Variants in FILIP1L observed in about 807,000 individuals in gnomAD.
FILIP1L encodes the protein filamin A interacting protein 1 like, also known as filamin A-interacting protein 1-like.
Under a neutral mutation model 96.6 loss-of-function variants are expected in FILIP1L, and 55 were observed. That is an observed-to-expected ratio of 0.57 (90% CI 0.46 to 0.71). FILIP1L has a LOEUF of 0.71. Among genes scored for constraint, FILIP1L ranks in the 30% least tolerant of loss-of-function variants. FILIP1L has a pLI of 0.00. For synonymous variants in FILIP1L, 467 were observed against 473.9 expected (o/e 0.99, Z 0.19); for missense variants, 1,304 against 1,321.2 (o/e 0.99, Z 0.20).
intron 5 of FILIP1L, among the ~76,000 whole-genome samples, chr3:99,831,448 A>G (rs1370295988): frequency 6.6e-6 from 1 of 152,174 alleles, no homozygotes; most frequent in Non-Finnish European, 1.5e-5. Flanking sequence ...ATGCTATGAG[A>G]AAAAGGAACA....
chr3:100,022,093 T>A (rs2064836611), intron 1 of FILIP1L, among the ~76,000 whole-genome samples: 1 of 152,066 alleles, frequency 6.6e-6, no homozygotes, highest in African/African-American at 2.4e-5. Context: ...AAAATTTACA[T>A]AGGGATTTTT....
chr3:99,891,903 A>G (rs147041832), intron 4 of FILIP1L, among the ~76,000 whole-genome samples: 2 of 152,276 alleles, frequency 1.3e-5, no homozygotes, highest in African/African-American at 2.4e-5. Context: ...AGGTCTACAT[A>G]TTAATAGAAG....
intron 1 of FILIP1L, among the ~76,000 whole-genome samples, chr3:100,037,987 G>A (rs1193650901): frequency 8.4e-5 from 11 of 131,258 alleles, no homozygotes; most frequent in Middle Eastern, 4.9e-3. Flanking sequence ...CTCAAATCTC[G>A]CTCTGTCGCC....
intron 1 of FILIP1L, among the ~76,000 whole-genome samples, chr3:99,989,217 A>G (rs114435851): frequency 8.6e-4 from 131 of 152,294 alleles, no homozygotes; most frequent in African/African-American, 2.8e-3. Context: ...TATGACTCCA[A>G]AGCTCACAAA....
At chr3:99,944,254 G>A (rs1439033273) in intron 1 of FILIP1L, among the ~76,000 whole-genome samples, 1 of 152,134 alleles carries the variant, frequency 6.6e-6, no homozygotes, top group African/African-American at 2.4e-5. Flanking sequence ...TTGGGATTTG[G>A]CCAAGAACCA....
chr3:100,107,663 G>A (rs925073477), intron 1 of FILIP1L, among the ~76,000 whole-genome samples: 1 of 151,970 alleles, frequency 6.6e-6, no homozygotes, highest in Non-Finnish European at 1.5e-5. Flanking sequence ...GTAATTTAAC[G>A]CTCTACTGTT....
intron 1 of FILIP1L, among the ~76,000 whole-genome samples, chr3:100,074,674 G>GTTTTTTTTTT (rs1559748772): frequency 1.2e-4 from 3 of 25,112 alleles, no homozygotes; most frequent in Non-Finnish European, 2.5e-4. Context: ...TGCAACATTT[G>GTTTTTTTTTT]ATTTTTTTTT....
intron 5 of FILIP1L, among the ~76,000 whole-genome samples, chr3:99,844,319 G>A (rs1943266567): frequency 6.6e-6 from 1 of 152,146 alleles, no homozygotes; most frequent in Non-Finnish European, 1.5e-5. Flanking sequence ...TCTCACACAG[G>A]TATCTTGGAT....
chr3:99,948,038 A>C (rs1265030875), intron 1 of FILIP1L, among the ~76,000 whole-genome samples: 1 of 151,412 alleles, frequency 6.6e-6, no homozygotes, highest in African/African-American at 2.4e-5. Context: ...GTAAGATAAT[A>C]AGTATTTTTT....
chr3:99,862,958 C>T (rs1944333230), intron 4 of FILIP1L, among the ~76,000 whole-genome samples: 1 of 152,304 alleles, frequency 6.6e-6, no homozygotes, highest in East Asian at 1.9e-4. Context: ...CTCACTGATG[C>T]TCTGCTCATC....
intron 4 of FILIP1L, among the ~76,000 whole-genome samples, chr3:99,873,150 A>G (rs1483704441): frequency 6.6e-6 from 1 of 152,208 alleles, no homozygotes; most frequent in Non-Finnish European, 1.5e-5. Context: ...GCAACCACAG[A>G]AATATTGCTT....
rs185895400 is a variant in FILIP1L, at chr3:99,930,028, G to A, written c.254C>T (p.Ala85Val). 6.3e-7 allele frequency: 1 copy of A among 1,598,562 alleles called. No individual in the cohort carries two copies. The highest frequency in any genetic ancestry group is 2.3e-5 in the East Asian group (1 of 43,902). ...TAAAATGCCTATGACCTCATCTCGA[G>A]CCTGTAGGAACAAAAAGTATTTCAG... ...LLSILEGELQ[A>V]RDEVIGILKA... Residue 85 changes from alanine to valine, a missense_variant and splice_region_variant, in exon 3 of 6, where the codon GCT (alanine) becomes GTT (valine). Physicochemically the swap from Ala to Val is moderately conservative, Grantham distance 64. Coordinates refer to ENST00000477258, the MANE Select transcript of FILIP1L (RefSeq NM_001387850.1).
chr3:99,848,399 G>T lies in FILIP1L; in HGVS notation c.3277C>A (p.Gln1093Lys), dbSNP rs755330466. ...PSAPLQDNRT[Q>K]GLINGALNKT... is the part of the protein sequence containing the mutation. ...TTTAGTGCCCCGTTAATTAAGCCTT[G>T]AGTTCGGTTATCCTGCAGTGGTGCT... Residue 1093 changes from glutamine to lysine, a missense_variant, in exon 5 of 6, where the codon CAA (glutamine) becomes AAA (lysine). Coordinates refer to ENST00000477258, the MANE Select transcript of FILIP1L (RefSeq NM_001387850.1). The T allele has an allele frequency of 6.2e-7, 1 of 1,614,156 alleles. No homozygotes were observed. Among genetic ancestry groups the T allele is most frequent in the Non-Finnish European group, 8.5e-7 (1 of 1,180,012 alleles).
chr3:99,990,147 A>G (rs1709470814), intron 1 of FILIP1L, among the ~76,000 whole-genome samples: 1 of 152,188 alleles, frequency 6.6e-6, no homozygotes. Context: ...GATACTGCCT[A>G]TGCTCTAGAA....
chr3:99,861,922 A>G (rs1488242927), intron 4 of FILIP1L, among the ~76,000 whole-genome samples: 1 of 152,188 alleles, frequency 6.6e-6, no homozygotes. Flanking sequence ...CTTCATCTGT[A>G]GAATGGGGAT....
At chr3:100,033,894 A>G (rs1289226598) in intron 1 of FILIP1L, among the ~76,000 whole-genome samples, 1 of 152,178 alleles carries the variant, frequency 6.6e-6, no homozygotes, top group African/African-American at 2.4e-5. Context: ...TGACTGTTTT[A>G]TGTATAACTG....
At chr3:100,025,814 A>G (rs1473385618) in intron 1 of FILIP1L, among the ~76,000 whole-genome samples, 1 of 152,116 alleles carries the variant, frequency 6.6e-6, no homozygotes, top group East Asian at 1.9e-4. Context: ...GTCGACCTCC[A>G]TTTTTTGTTG....
intron 4 of FILIP1L, among the ~76,000 whole-genome samples, chr3:99,867,411 A>C (rs1280219302): frequency 6.6e-6 from 1 of 152,204 alleles, no homozygotes; most frequent in Non-Finnish European, 1.5e-5. Flanking sequence ...AGGTTTTAGT[A>C]GCTGAAAAAA....
intron 1 of FILIP1L, among the ~76,000 whole-genome samples, chr3:100,074,675 ATTTTTTTTTTTTTTTT>A (rs555819875): frequency 4.6e-4 from 16 of 34,802 alleles, no homozygotes; most frequent in East Asian, 3.2e-3. Context: ...GCAACATTTG[ATTTTTTTTTTTTTTTT>A]TTTTTTTTTT....
Sources: gnomAD v4.1 joint callset for allele counts (sites outside exome capture counted in the v4.1 genomes callset) on GRCh38, gnomAD v4.1.1 for gene constraint, MANE v1.5 for transcripts, NCBI Gene and HGNC (gene_info 2026-07-23, HGNC 2026-07-21) for gene names.